Variants in DPH6 observed in about 807,000 individuals in gnomAD.
DPH6 encodes diphthine--ammonia ligase.
In DPH6, 33 loss-of-function variants were observed where a neutral mutation model predicts 38.2. The ratio of observed to expected loss-of-function variants is 0.86; its 90% CI spans 0.65 to 1.15. DPH6 has a LOEUF of 1.15. DPH6 is among the 50% of genes most tolerant of loss of function. The pLI, the probability that DPH6 is intolerant of heterozygous loss-of-function variation, is 0.00. For synonymous variants in DPH6, 108 were observed against 103.0 expected, an observed-to-expected ratio of 1.05 and a Z score of -0.30; for missense variants, 325 against 320.0, an observed-to-expected ratio of 1.02 and a Z score of -0.12.
At chr15:35,411,646 T>C (rs1407802336) in intron 5 of DPH6, among the ~76,000 whole-genome samples, 1 of 151,656 alleles carries the variant, frequency 6.6e-6, no homozygotes, top group African/African-American at 2.4e-5. Context: ...AAAAATCCCA[T>C]GTCACAAGTG....
intron 6 of DPH6, among the ~76,000 whole-genome samples, chr15:35,386,018 C>T (rs1410749144): frequency 1.3e-5 from 2 of 152,062 alleles, no homozygotes; most frequent in East Asian, 3.9e-4. Context: ...CACAACAGGC[C>T]CCGGTGTGTG....
At chr15:35,290,958 C>T (rs1469128007) in intron 3 of DPH6, among the ~76,000 whole-genome samples, 1 of 152,012 alleles carries the variant, frequency 6.6e-6, no homozygotes, top group African/African-American at 2.4e-5. Flanking sequence ...CAATATCCAC[C>T]ATGTAACTTA....
chr15:35,297,593 A>G (rs1228612276), intron 3 of DPH6, among the ~76,000 whole-genome samples: 1 of 151,034 alleles, frequency 6.6e-6, no homozygotes, highest in Non-Finnish European at 1.5e-5. Flanking sequence ...ATAGGACTTG[A>G]TCTCTCTCCT....
At chr15:35,168,103 C>T in the DPH6 span, among the ~76,000 whole-genome samples, 1 of 152,036 alleles carries the variant, frequency 6.6e-6, no homozygotes, top group Non-Finnish European at 1.5e-5. Flanking sequence ...ACTCTTCTCA[C>T]TGCTTTTTCA....
chr15:35,166,294 T>C, the DPH6 span, among the ~76,000 whole-genome samples: 1 of 152,048 alleles, frequency 6.6e-6, no homozygotes, highest in East Asian at 1.9e-4. Context: ...ATAACACTTA[T>C]TTTACACTCT....
intron 3 of DPH6, among the ~76,000 whole-genome samples, chr15:35,516,013 C>A (rs2054841855): frequency 6.6e-6 from 1 of 151,932 alleles, no homozygotes; most frequent in African/African-American, 2.4e-5. Flanking sequence ...AAAATTAAGC[C>A]CTGGAAAATA....
intron 6 of DPH6, among the ~76,000 whole-genome samples, chr15:35,394,174 C>A (rs2053097637): frequency 1.3e-5 from 2 of 152,142 alleles, no homozygotes; most frequent in African/African-American, 4.8e-5. Context: ...CAGCACCATG[C>A]ACTCCATGGC....
chr15:35,346,870 T>C (rs753599617), intron 3 of DPH6, among the ~76,000 whole-genome samples: 18 of 152,162 alleles, frequency 1.2e-4, no homozygotes, highest in Non-Finnish European at 1.9e-4. Context: ...GTTCCATATA[T>C]TTAGATATTT....
intron 3 of DPH6, among the ~76,000 whole-genome samples, chr15:35,256,734 G>C (rs1454293440): frequency 6.6e-6 from 1 of 152,162 alleles, no homozygotes. Flanking sequence ...ATTTACAAGA[G>C]ATGAGGTCAA....
At chr15:35,168,561 T>C in the DPH6 span, among the ~76,000 whole-genome samples, 1 of 152,064 alleles carries the variant, frequency 6.6e-6, no homozygotes, top group Non-Finnish European at 1.5e-5. Flanking sequence ...CAAGGATGAA[T>C]GAATAAATAA....
At chr15:35,514,166 A>G (rs1459351696) in intron 3 of DPH6, among the ~76,000 whole-genome samples, 2 of 151,848 alleles carry the variant, frequency 1.3e-5, no homozygotes, top group African/African-American at 4.8e-5. Context: ...TTGGCACCTT[A>G]TAACTATGTA....
At chr15:35,205,054 G>A in the DPH6 span, among the ~76,000 whole-genome samples, 84 of 151,952 alleles carry the variant, frequency 5.5e-4, 1 homozygote, top group East Asian at 0.016. Context: ...GAATTCTATT[G>A]GAAAGCACTC....
At chr15:35,402,319 C>G (rs578142546) in intron 6 of DPH6, among the ~76,000 whole-genome samples, 1 of 152,084 alleles carries the variant, frequency 6.6e-6, no homozygotes, top group Non-Finnish European at 1.5e-5. Flanking sequence ...AAAGGGATTA[C>G]CCAAGCAAAA....
intron 3 of DPH6, among the ~76,000 whole-genome samples, chr15:35,468,338 T>A (rs1358968008): frequency 6.6e-6 from 1 of 152,154 alleles, no homozygotes; most frequent in East Asian, 1.9e-4. Context: ...AAACACCAGG[T>A]GAATATCTGT....
intron 3 of DPH6, among the ~76,000 whole-genome samples, chr15:35,504,477 CACA>C (rs1220273443): frequency 4.1e-4 from 62 of 151,524 alleles, no homozygotes; most frequent in Admixed American, 3.9e-3. Flanking sequence ...TCTGTATTTT[CACA>C]ACATTTGTTT....
chr15:35,290,604 T>C lies in DPH6; in HGVS notation n.201-70022A>G, dbSNP rs543967057. Among the ~76,000 whole-genome samples, 14 of 152,328 alleles carry C rather than the reference T, an allele frequency of 9.2e-5. No individual in the cohort carries two copies. In the East Asian group the frequency reaches 2.3e-3, roughly 25 times the overall value. On this transcript the variant is annotated intron_variant and non_coding_transcript_variant, in intron 3 of 3. Transcript: ENST00000560386. The stretch of plus-strand genomic sequence containing the variant: ...AACAACCTTTTGTGGCAGTGTATAA[T>C]GTGACTAACATGGACTTTGATTCAG...
intron 3 of DPH6, among the ~76,000 whole-genome samples, chr15:35,340,978 C>T (rs540710859): frequency 1.3e-5 from 2 of 152,192 alleles, no homozygotes; most frequent in African/African-American, 4.8e-5. Flanking sequence ...ATATTTTCCA[C>T]CTTGGTTCCA....
chr15:35,263,151 A>C (rs900083306), intron 3 of DPH6, among the ~76,000 whole-genome samples: 3 of 152,180 alleles, frequency 2.0e-5, no homozygotes, highest in Non-Finnish European at 4.4e-5. Context: ...TTTAATCATT[A>C]GTTTATCATA....
chr15:35,152,026 T>C, the DPH6 span, among the ~76,000 whole-genome samples: 6 of 152,326 alleles, frequency 3.9e-5, no homozygotes, highest in East Asian at 1.2e-3. Flanking sequence ...TCTTACTTGT[T>C]TTTATTCATC....
Sources: gnomAD v4.1 joint callset for allele counts (sites outside exome capture counted in the v4.1 genomes callset) on GRCh38, gnomAD v4.1.1 for gene constraint, MANE v1.5 for transcripts, NCBI Gene and HGNC (gene_info 2026-07-23, HGNC 2026-07-21) for gene names.